Variants in DIP2B observed in about 807,000 individuals in gnomAD.
DIP2B encodes the protein DIP2 acetate--CoA ligase B (putative).
Under a neutral mutation model 198.0 loss-of-function variants are expected in DIP2B, and 76 were observed. The ratio of observed to expected loss-of-function variants is 0.38; its 90% CI spans 0.32 to 0.46. DIP2B has a LOEUF of 0.46. Among genes scored for constraint, DIP2B ranks in the 20% least tolerant of loss-of-function variants. The probability of loss-of-function intolerance (pLI) is 0.99; values close to 1 mark genes in which losing one functional copy is unlikely to be tolerated. For missense variants in DIP2B, 1,559 were observed against 1,978.4 expected, an observed-to-expected ratio of 0.79 and a Z score of 4.02; for synonymous variants, 701 against 739.1, an observed-to-expected ratio of 0.95 and a Z score of 0.84.
intron 35 of DIP2B, among the ~76,000 whole-genome samples, chr12:50,738,741 A>G (rs1193158036): frequency 1.3e-5 from 2 of 152,098 alleles, no homozygotes; most frequent in Non-Finnish European, 2.9e-5. Context: ...TGGCCTCCCA[A>G]AGTGCTGGGA....
intron 1 of DIP2B, among the ~76,000 whole-genome samples, chr12:50,536,013 A>G (rs1478516597): frequency 6.6e-6 from 1 of 151,526 alleles, no homozygotes; most frequent in Non-Finnish European, 1.5e-5. Flanking sequence ...CCATGTCCCT[A>G]CAAAGGACAT....
intron 2 of DIP2B, among the ~76,000 whole-genome samples, chr12:50,630,628 T>C (rs977359720): frequency 6.6e-6 from 1 of 151,658 alleles, no homozygotes; most frequent in African/African-American, 2.4e-5. Flanking sequence ...GACTTTAGAA[T>C]GCTTTGATGT....
intron 1 of DIP2B, among the ~76,000 whole-genome samples, chr12:50,550,389 C>T (rs575751251): frequency 7.9e-5 from 12 of 152,014 alleles, no homozygotes; most frequent in Non-Finnish European, 1.6e-4. Flanking sequence ...TTGAAGTACT[C>T]AGAATCTAAC....
chr12:50,562,258 A>G (rs573615216), intron 1 of DIP2B, among the ~76,000 whole-genome samples: 2 of 152,254 alleles, frequency 1.3e-5, no homozygotes, highest in African/African-American at 2.4e-5. Flanking sequence ...TCTAGAATAC[A>G]GAAGGTTATA....
intron 1 of DIP2B, among the ~76,000 whole-genome samples, chr12:50,576,933 G>A (rs1174446282): frequency 2.0e-5 from 3 of 151,590 alleles, no homozygotes; most frequent in African/African-American, 7.3e-5. Context: ...GCACAATCTC[G>A]GCTCAGTGTA....
rs190441817 is a variant in DIP2B, at chr12:50,665,818, C to T, written c.428-5368C>T. On this transcript the variant is annotated intron_variant, in intron 4 of 37. Coordinates refer to ENST00000301180, the MANE Select transcript of DIP2B (RefSeq NM_173602.3). The stretch of plus-strand genomic sequence containing the variant: ...TTCCTCTTTCCCTAATAGATACTCA[C>T]GTGTATGCATGGTACTGGAATGAGC... Among the ~76,000 whole-genome samples, 111 of 151,682 alleles carry T rather than the reference C, an allele frequency of 7.3e-4. No individual in the cohort carries two copies. The East Asian group carries it at 0.014, about 19-fold the overall frequency.
intron 31 of DIP2B, 120 bp from the exon 32 acceptor site, chr12:50,732,246 C>T (rs1044823776): frequency 1.1e-4 from 118 of 1,072,530 alleles, no homozygotes; most frequent in Non-Finnish European, 1.5e-4. Context: ...CTCTGTGTGC[C>T]TGAGGTGAGA....
chr12:50,625,871 T>G, intron 1 of DIP2B, 105 bp from the exon 2 acceptor site: 2 of 1,161,084 alleles, frequency 1.7e-6, no homozygotes, highest in Non-Finnish European at 2.5e-6. Flanking sequence ...ACCCCCTGCC[T>G]CTATATGGGG....
chr12:50,511,291 ATTTTTTTTTT>A (rs71083581), intron 1 of DIP2B, among the ~76,000 whole-genome samples: 1 of 64,664 alleles, frequency 1.5e-5, no homozygotes, highest in Non-Finnish European at 2.7e-5. Context: ...TGTGATTTCT[ATTTTTTTTTT>A]TTTTTTTTTT....
chr12:50,702,219 G>A (rs1465358870), intron 19 of DIP2B, among the ~76,000 whole-genome samples: 2 of 152,102 alleles, frequency 1.3e-5, no homozygotes, highest in East Asian at 1.9e-4. Flanking sequence ...GGTGGCGGGC[G>A]CCTGTAGTCC....
At chr12:50,718,250 C>A (rs539868181) in intron 23 of DIP2B, among the ~76,000 whole-genome samples, 3 of 152,190 alleles carry the variant, frequency 2.0e-5, no homozygotes, top group Non-Finnish European at 4.4e-5. Context: ...CTCCCTCAGG[C>A]CTTGTAGATG....
intron 27 of DIP2B, among the ~76,000 whole-genome samples, chr12:50,724,525 T>G (rs1939896009): frequency 6.6e-6 from 1 of 152,202 alleles, no homozygotes; most frequent in Admixed American, 6.5e-5. Context: ...ACTGAAATAC[T>G]TTGAGAATCA....
At chr12:50,567,044 TTTTG>T (rs1193251268) in intron 1 of DIP2B, among the ~76,000 whole-genome samples, 3 of 152,046 alleles carry the variant, frequency 2.0e-5, no homozygotes, top group Non-Finnish European at 4.4e-5. Flanking sequence ...CTGACTTTTT[TTTTG>T]TTTGTTTTTT....
chr12:50,616,857 C>T (rs1937709250), intron 1 of DIP2B, among the ~76,000 whole-genome samples: 1 of 152,194 alleles, frequency 6.6e-6, no homozygotes, highest in Non-Finnish European at 1.5e-5. Context: ...GCCAGCTTCT[C>T]CTGGATAGTA....
At chr12:50,739,324 T>G in intron 35 of DIP2B, 85 bp from the exon 36 acceptor site, 3 of 1,477,250 alleles carry the variant, frequency 2.0e-6, no homozygotes, top group Non-Finnish European at 1.8e-6. Flanking sequence ...AAAATGAGAT[T>G]TAAAAAATCA....
chr12:50,673,382 C>G (rs1938888462), intron 5 of DIP2B, among the ~76,000 whole-genome samples: 1 of 152,128 alleles, frequency 6.6e-6, no homozygotes, highest in Non-Finnish European at 1.5e-5. Flanking sequence ...GTATGATTTA[C>G]AAGAATCACA....
intron 22 of DIP2B, among the ~76,000 whole-genome samples, chr12:50,708,926 G>C (rs1424351433): frequency 6.6e-6 from 1 of 152,240 alleles, no homozygotes; most frequent in African/African-American, 2.4e-5. Context: ...GGTGCCGATG[G>C]TGTGAGGGAT....
chr12:50,506,858 C>T (rs908621099), intron 1 of DIP2B, among the ~76,000 whole-genome samples: 1 of 152,180 alleles, frequency 6.6e-6, no homozygotes, highest in African/African-American at 2.4e-5. Flanking sequence ...AGTAACAAAT[C>T]ATCTAGCTTT....
At chr12:50,567,824 G>T (rs563846399) in intron 1 of DIP2B, among the ~76,000 whole-genome samples, 1 of 152,150 alleles carries the variant, frequency 6.6e-6, no homozygotes, top group East Asian at 1.9e-4. Context: ...CATCGTGCCC[G>T]GCCTAAAATT....
Sources: allele counts gnomAD v4.1 joint callset (sites outside exome capture counted in the v4.1 genomes callset), GRCh38; gene constraint gnomAD v4.1.1; transcripts MANE v1.5; gene names NCBI Gene and HGNC (gene_info 2026-07-23, HGNC 2026-07-21).